IL1F10: variants seen among roughly 807,000 people sequenced by gnomAD.
IL1F10 encodes the protein interleukin-1 family member 10.
A neutral mutation model predicts 13.1 loss-of-function variants in IL1F10; 13 were observed. That is an observed-to-expected ratio of 0.99 (90% CI 0.64 to 1.57). The LOEUF is 1.57. IL1F10 is among the 40% of genes most tolerant of loss of function. The pLI is 0.00. For synonymous variants in IL1F10, 78 were observed against 68.2 expected (o/e 1.14, Z -0.71); for missense variants, 191 against 184.1 (o/e 1.04, Z -0.22).
At chr2:113,070,229 G>A (rs1469708194) in intron 1 of IL1F10, among the ~76,000 whole-genome samples, 3 of 152,196 alleles carry the variant, frequency 2.0e-5, no homozygotes, top group Non-Finnish European at 4.4e-5. Flanking sequence ...ACACAGCAGA[G>A]GTTCAGCACC....
In IL1F10 at chr2:113,072,713, A is replaced by G. The variant is rs370732470; in HGVS notation, c.-26A>G. The G allele has an allele frequency of 1.8e-5, 29 of 1,607,602 alleles. No individual in the cohort carries two copies. The highest frequency in any genetic ancestry group is 1.7e-6 in the Non-Finnish European group (2 of 1,175,018). On this transcript the variant is annotated splice_region_variant and 5_prime_UTR_variant, in exon 2 of 5. Coordinates refer to ENST00000341010, the MANE Select transcript of IL1F10 (RefSeq NM_173161.3). ...TGCCCTTCTCTCCTCCCCATCAGTG[A>G]GGACCAGACACCACTGATTGCAGGA...
chr2:113,072,623 C>G lies in IL1F10; in HGVS notation c.-28-88C>G, dbSNP rs539520371. On this transcript the variant is annotated intron_variant, in intron 1 of 4. Transcript: ENST00000341010. Reference sequence around the variant, plus strand: ...AATGGCCTGGGGAACCCGTGCAGCCCTTGGCTGAGTGGTTCTAAGCCCCAG... The same window carrying G: ...AATGGCCTGGGGAACCCGTGCAGCCGTTGGCTGAGTGGTTCTAAGCCCCAG... 4.5e-4 allele frequency: 382 copies of G among 847,704 alleles called. 1 individual carries two copies. Among genetic ancestry groups the G allele is most frequent in the Middle Eastern group, 6.9e-4 (3 of 4,346 alleles). The allele number at this position is 847,704 out of a possible 1,614,324, so 52.5% of individuals were successfully genotyped here.
intron 1 of IL1F10, among the ~76,000 whole-genome samples, chr2:113,069,956 C>T (rs554964109): frequency 6.1e-4 from 93 of 152,296 alleles, no homozygotes; most frequent in African/African-American, 2.2e-3. Context: ...GAACATCCCA[C>T]ATAGATACTG....
chr2:113,072,171 G>GTT (rs1197967845), intron 1 of IL1F10: 2 of 152,438 alleles, frequency 1.3e-5, no homozygotes, highest in African/African-American at 4.8e-5. Context: ...TAGGAATGAT[G>GTT]TTTTCCAACT....
chr2:113,072,611 A>G, intron 1 of IL1F10, 100 bp from the exon 2 acceptor site: 1 of 724,158 alleles, frequency 1.4e-6, no homozygotes, highest in Non-Finnish European at 2.3e-6. Flanking sequence ...GGCCTGGGGA[A>G]CCCGTGCAGC....
chr2:113,072,508 G>A (rs767422783), intron 1 of IL1F10: 16 of 521,408 alleles, frequency 3.1e-5, no homozygotes, highest in Admixed American at 7.2e-5. Flanking sequence ...ACTTGCTCCC[G>A]GATAGCCTCA....
Position 113,074,225 on chromosome 2 carries a change from C to T in IL1F10, c.33-104C>T, listed in dbSNP as rs746537642. 4.8e-5 allele frequency: 35 copies of T among 732,746 alleles called. No individual in the cohort carries two copies. In the Admixed American group the frequency reaches 6.2e-4, roughly 13 times the overall value. 45.4% of individuals were successfully genotyped at this position (732,746 alleles called of 1,614,324 possible). A position where few individuals can be genotyped will look rare whatever the true frequency, so the allele number is the denominator to read the frequency against. ...TTACCACCTGTGAAGGAGAGAAAAT[C>T]GCCCAAATGCTCAAGGTGGTGATTC... On this transcript the variant is annotated intron_variant, in intron 2 of 4. Coordinates refer to ENST00000341010, the MANE Select transcript of IL1F10 (RefSeq NM_173161.3).
In IL1F10 at chr2:113,072,846, A is replaced by AG; in HGVS notation, c.32+78dup. On this transcript the variant is annotated intron_variant, in intron 2 of 4. Coordinates refer to ENST00000341010, the MANE Select transcript of IL1F10 (RefSeq NM_173161.3). The stretch of plus-strand genomic sequence containing the variant: ...GAAGAGGAAAGGAATGCTGAGTCAG[A>AG]GGATGAGGCTCCTTCTCACCTTAGA... The AG allele has an allele frequency of 7.0e-6, 9 of 1,284,596 alleles. No individual in the cohort carries two copies. The South Asian group carries it at 9.9e-5, about 14-fold the overall frequency. The allele number at this position is 1,284,596 out of a possible 1,614,324, so 79.6% of individuals were successfully genotyped here.
At chr2:113,069,419 T>C (rs1685795146) in intron 1 of IL1F10, among the ~76,000 whole-genome samples, 1 of 152,208 alleles carries the variant, frequency 6.6e-6, no homozygotes, top group Non-Finnish European at 1.5e-5. Flanking sequence ...CAAAGTTATA[T>C]TTTAAAGAAA....
intron 1 of IL1F10, among the ~76,000 whole-genome samples, chr2:113,068,465 T>C (rs1009118603): frequency 6.6e-6 from 1 of 152,162 alleles, no homozygotes; most frequent in Non-Finnish European, 1.5e-5. Context: ...CCTTTATCCT[T>C]TTTACAATCA....
At chr2:113,074,891 G>C in intron 4 of IL1F10, 41 bp downstream of exon 4, 1 of 1,598,420 alleles carries the variant, frequency 6.3e-7, no homozygotes, top group Non-Finnish European at 8.5e-7. Flanking sequence ...CTGCAGACCT[G>C]GCCTGACCCC....
rs1685925252 is a variant in IL1F10 at position 113,075,514 on chromosome 2, T to G, written c.*150T>G. On this transcript the variant is annotated 3_prime_UTR_variant, in exon 5 of 5. Coordinates refer to ENST00000341010, the MANE Select transcript of IL1F10 (RefSeq NM_173161.3). ...TGTTACCATACATGTCCAAAGAGGTTTTGCAAATGTGATTATGTTAAGGAT... is the reference window on the plus strand; with the variant it reads ...TGTTACCATACATGTCCAAAGAGGTGTTGCAAATGTGATTATGTTAAGGAT... 4.0e-6 allele frequency: 2 copies of G among 505,634 alleles called. No homozygotes were observed. Among genetic ancestry groups the G allele is most frequent in the Non-Finnish European group, 6.7e-6 (2 of 296,920 alleles). 31.3% of individuals were successfully genotyped at this position (505,634 alleles called of 1,614,324 possible).
intron 2 of IL1F10, 65 bp from the exon 3 acceptor site, chr2:113,074,264 G>A (rs2105079118): frequency 9.8e-7 from 1 of 1,019,182 alleles, no homozygotes; most frequent in East Asian, 2.4e-5. Context: ...GCATGGAAGT[G>A]GAAGGGCTTG....
In IL1F10 at chr2:113,075,443, T is replaced by C; in HGVS notation, c.*79T>C. 2.9e-6 allele frequency: 3 copies of C among 1,050,156 alleles called. No individual in the cohort carries two copies. Among genetic ancestry groups the C allele is most frequent in the Non-Finnish European group, 4.2e-6 (3 of 720,066 alleles). The allele number at this position is 1,050,156 out of a possible 1,614,324, so 65.1% of individuals were successfully genotyped here. On this transcript the variant is annotated 3_prime_UTR_variant, in exon 5 of 5. Coordinates refer to ENST00000341010, the MANE Select transcript of IL1F10 (RefSeq NM_173161.3). ...TCAGGGTCTATGGTAGGCAGAATAA[T>C]GTCCCCCGAAATATGTCCACATCCT...
At chr2:113,073,601 C>T (rs1408011351) in intron 2 of IL1F10, among the ~76,000 whole-genome samples, 1 of 152,186 alleles carries the variant, frequency 6.6e-6, no homozygotes, top group African/African-American at 2.4e-5. Context: ...AAGGGGAATG[C>T]CAGATAACAC....
In IL1F10 at chr2:113,072,705, C is replaced by A; in HGVS notation, c.-28-6C>A. On this transcript the variant is annotated splice_polypyrimidine_tract_variant and splice_region_variant and intron_variant, in intron 1 of 4. Coordinates refer to ENST00000341010, the MANE Select transcript of IL1F10 (RefSeq NM_173161.3). ...TTTCTAACTGCCCTTCTCTCCTCCC[C>A]ATCAGTGAGGACCAGACACCACTGA... The A allele has an allele frequency of 6.3e-7, 1 of 1,594,680 alleles. No homozygotes were observed. The highest frequency in any genetic ancestry group is 8.6e-7 in the Non-Finnish European group (1 of 1,163,552).
At chr2:113,073,125 G>A (rs954808158) in intron 2 of IL1F10, among the ~76,000 whole-genome samples, 5 of 152,188 alleles carry the variant, frequency 3.3e-5, no homozygotes, top group African/African-American at 7.2e-5. Context: ...TGCTCCATCC[G>A]CCTCTCTGAA....
In IL1F10 at chr2:113,074,862, C is replaced by G. The variant is rs531384501; in HGVS notation, c.246+12C>G. The G allele has an allele frequency of 1.9e-6, 3 of 1,610,634 alleles. No individual in the cohort carries two copies. The highest frequency in any genetic ancestry group is 2.2e-5 in the East Asian group (1 of 44,868). On this transcript the variant is annotated intron_variant, in intron 4 of 4. Coordinates refer to ENST00000341010, the MANE Select transcript of IL1F10 (RefSeq NM_173161.3). ...CCCTACAGCTGGAGGTGAGAGGCCTCTCCCCATTCTAGGGGACACTGCAGA... is the reference window on the plus strand; with the variant it reads ...CCCTACAGCTGGAGGTGAGAGGCCTGTCCCCATTCTAGGGGACACTGCAGA...
At chr2:113,068,530 C>T (rs566357834) in intron 1 of IL1F10, among the ~76,000 whole-genome samples, 53 of 152,206 alleles carry the variant, frequency 3.5e-4, no homozygotes, top group African/African-American at 1.2e-3. Flanking sequence ...TGAAAGATAC[C>T]TTACTCAATC....
Sources: allele counts gnomAD v4.1 joint callset (sites outside exome capture counted in the v4.1 genomes callset), GRCh38; gene constraint gnomAD v4.1.1; transcripts MANE v1.5; gene names NCBI Gene and HGNC (gene_info 2026-07-23, HGNC 2026-07-21).